The following CCDC171 variants were observed in gnomAD, a reference collection of about 807,000 sequenced individuals.
CCDC171 encodes coiled-coil domain containing 171, also known as coiled-coil domain-containing protein 171.
CCDC171 carries 177 observed loss-of-function variants against 168.2 expected under a neutral mutation model. The observed-to-expected ratio is 1.05, with a 90% CI of 0.93 to 1.19. CCDC171 has a LOEUF of 1.19. CCDC171 is among the 50% of genes most tolerant of loss of function. The pLI is 0.00. For synonymous variants in CCDC171, 687 were observed against 540.8 expected, an observed-to-expected ratio of 1.27 and a Z score of -3.75; for missense variants, 1,991 against 1,539.0, an observed-to-expected ratio of 1.29 and a Z score of -4.91.
chr9:15,854,747 A>G (rs781014765), intron 23 of CCDC171, among the ~76,000 whole-genome samples: 1 of 151,630 alleles, frequency 6.6e-6, no homozygotes, highest in Non-Finnish European at 1.5e-5. Context: ...TTTCTGTCTG[A>G]TGCAGCTTAA....
intron 24 of CCDC171, among the ~76,000 whole-genome samples, chr9:15,894,885 A>G (rs1327113085): frequency 6.6e-6 from 1 of 152,176 alleles, no homozygotes; most frequent in Non-Finnish European, 1.5e-5. Flanking sequence ...AAAATGTAAG[A>G]TCCAACAGGG....
intron 3 of CCDC171, among the ~76,000 whole-genome samples, 159 bp downstream of exon 3, chr9:15,571,918 A>C (rs917645903): frequency 6.6e-6 from 1 of 152,186 alleles, no homozygotes; most frequent in African/African-American, 2.4e-5. Flanking sequence ...AATGTAGTGT[A>C]ATTGCATAAG....
chr9:15,667,967 A>C (rs1355599581), intron 9 of CCDC171, among the ~76,000 whole-genome samples: 1 of 152,170 alleles, frequency 6.6e-6, no homozygotes, highest in Non-Finnish European at 1.5e-5. Context: ...ATACATTTGA[A>C]TGTATTCAAA....
intron 1 of CCDC171, among the ~76,000 whole-genome samples, chr9:16,058,721 C>T (rs1192415810): frequency 6.6e-6 from 1 of 152,218 alleles, no homozygotes; most frequent in Non-Finnish European, 1.5e-5. Flanking sequence ...GGGAATAAAA[C>T]ACAGGCCAAA....
At chr9:16,000,071 G>A (rs1832493885) in intron 3 of CCDC171, among the ~76,000 whole-genome samples, 1 of 152,152 alleles carries the variant, frequency 6.6e-6, no homozygotes, top group South Asian at 2.1e-4. Context: ...AGACTTTAAA[G>A]AAGCATTTTT....
intron 3 of CCDC171, among the ~76,000 whole-genome samples, chr9:16,008,883 A>C (rs906478477): frequency 6.6e-6 from 1 of 151,976 alleles, no homozygotes; most frequent in African/African-American, 2.4e-5. Flanking sequence ...GCTATCTCCC[A>C]CCCTAGCCCT....
chr9:15,627,015 G>T (rs943371718), intron 7 of CCDC171, among the ~76,000 whole-genome samples: 2 of 151,960 alleles, frequency 1.3e-5, no homozygotes, highest in African/African-American at 2.4e-5. Flanking sequence ...GTCTATTTTG[G>T]GATTCAACTT....
chr9:15,728,344 A>G (rs1244868847), intron 15 of CCDC171, among the ~76,000 whole-genome samples: 1 of 152,170 alleles, frequency 6.6e-6, no homozygotes, highest in Non-Finnish European at 1.5e-5. Context: ...TGATGAAGCA[A>G]TTCAAAGACC....
chr9:15,597,577 G>C (rs1230556822), intron 6 of CCDC171, among the ~76,000 whole-genome samples: 1 of 152,124 alleles, frequency 6.6e-6, no homozygotes, highest in Admixed American at 6.6e-5. Flanking sequence ...TTGCATTGAT[G>C]TTCATCAGGG....
chr9:15,898,530 G>T (rs1224643992), intron 24 of CCDC171, among the ~76,000 whole-genome samples: 2 of 152,138 alleles, frequency 1.3e-5, no homozygotes, highest in Admixed American at 6.6e-5. Context: ...GCAGAAGACT[G>T]GTTGGTCTAG....
downstream of CCDC171, among the ~76,000 whole-genome samples, chr9:15,977,292 C>A (rs528122942): frequency 6.6e-6 from 1 of 152,172 alleles, no homozygotes; most frequent in African/African-American, 2.4e-5. Context: ...GTCTCCCTAA[C>A]TGTATCTTGT....
chr9:15,588,938 C>G (rs1165151428), intron 4 of CCDC171, among the ~76,000 whole-genome samples: 1 of 151,870 alleles, frequency 6.6e-6, no homozygotes, highest in Non-Finnish European at 1.5e-5. Flanking sequence ...TCTCGATGTC[C>G]TGACCTTGTG....
intron 25 of CCDC171, among the ~76,000 whole-genome samples, chr9:15,950,151 G>C (rs936091220): frequency 1.3e-5 from 2 of 152,080 alleles, no homozygotes; most frequent in Admixed American, 1.3e-4. Flanking sequence ...ACGTCTGATT[G>C]GTGTACCTGA....
At chr9:15,725,743 C>G (rs1003135165) in intron 14 of CCDC171, among the ~76,000 whole-genome samples, 11 of 152,252 alleles carry the variant, frequency 7.2e-5, no homozygotes, top group African/African-American at 2.6e-4. Context: ...AGCCACTGTG[C>G]CTGGCCTAGT....
At chr9:15,849,803 C>G (rs1463554723) in intron 23 of CCDC171, among the ~76,000 whole-genome samples, 1 of 151,120 alleles carries the variant, frequency 6.6e-6, no homozygotes, top group African/African-American at 2.4e-5. Flanking sequence ...CTTAAAATAC[C>G]CTAAAACTAA....
At chr9:15,954,748 C>T (rs1829610585) in intron 25 of CCDC171, among the ~76,000 whole-genome samples, 1 of 151,834 alleles carries the variant, frequency 6.6e-6, no homozygotes, top group Admixed American at 6.6e-5. Context: ...TTTTCAGCTC[C>T]AGAATTTCTT....
intron 10 of CCDC171, among the ~76,000 whole-genome samples, chr9:15,685,148 ATTCT>A (rs1380199261): frequency 2.6e-5 from 4 of 152,190 alleles, no homozygotes; most frequent in African/African-American, 9.6e-5. Context: ...ACCTAAACTT[ATTCT>A]TTATGTCACA....
At chr9:15,865,386 G>GTGTGTA (rs2061734341) in intron 23 of CCDC171, among the ~76,000 whole-genome samples, 1 of 151,298 alleles carries the variant, frequency 6.6e-6, no homozygotes, top group African/African-American at 2.4e-5. Flanking sequence ...TGTCATATTT[G>GTGTGTA]TGTGTGTGTG....
intron 25 of CCDC171, among the ~76,000 whole-genome samples, chr9:15,944,131 T>C (rs1160637884): frequency 3.3e-5 from 5 of 152,054 alleles, no homozygotes; most frequent in Non-Finnish European, 7.4e-5. Flanking sequence ...TTACAGGTTT[T>C]TTTGTGATAA....
Sources: gnomAD v4.1 joint callset for allele counts (sites outside exome capture counted in the v4.1 genomes callset) on GRCh38, gnomAD v4.1.1 for gene constraint, MANE v1.5 for transcripts, NCBI Gene and HGNC (gene_info 2026-07-23, HGNC 2026-07-21) for gene names.